Variants in OPCML observed in about 807,000 individuals in gnomAD.
OPCML encodes the protein opioid binding protein/cell adhesion molecule like.
Under a neutral mutation model 37.8 loss-of-function variants are expected in OPCML, and 13 were observed. The ratio of observed to expected loss-of-function variants is 0.34; its 90% confidence interval spans 0.22 to 0.55. OPCML has a LOEUF of 0.55. OPCML is among the 20% of genes least tolerant of loss of function. The pLI, the probability that OPCML is intolerant of heterozygous loss-of-function variation, is 0.91. For missense variants in OPCML, 341 were observed against 435.6 expected, an observed-to-expected ratio of 0.78 and a Z score of 1.93; for synonymous variants, 176 against 168.8, an observed-to-expected ratio of 1.04 and a Z score of -0.33.
At position 133,180,885 on chromosome 11, in the gene OPCML, C is replaced by T. The variant is rs1273348621; in HGVS notation, c.62-237875G>A. 5.4e-5 allele frequency among the ~76,000 whole-genome samples: 8 copies of T among 147,874 alleles called. No homozygotes were observed. The East Asian group carries it at 1.4e-3, about 25-fold the overall frequency. On this transcript the variant is annotated intron_variant, in intron 1 of 7. Transcript: ENST00000524381. Reference sequence around the variant, plus strand: ...GGATGAGGGAAAGTAGGATTTAAAACTGTTTTATGTTCACATAAAAATCTG... The same window carrying T: ...GGATGAGGGAAAGTAGGATTTAAAATTGTTTTATGTTCACATAAAAATCTG...
intron 1 of OPCML, among the ~76,000 whole-genome samples, chr11:133,323,249 C>T (rs1943374841): frequency 6.6e-6 from 1 of 152,182 alleles, no homozygotes; most frequent in Non-Finnish European, 1.5e-5. Context: ...CATCAATTAT[C>T]ACCTCCTCAT....
chr11:133,470,513 G>C (rs921175594), intron 1 of OPCML, among the ~76,000 whole-genome samples: 2 of 152,176 alleles, frequency 1.3e-5, no homozygotes, highest in Non-Finnish European at 2.9e-5. Context: ...CAAATGTCAC[G>C]AGGAAGGAGG....
intron 1 of OPCML, among the ~76,000 whole-genome samples, chr11:133,080,373 G>T (rs751942316): frequency 6.6e-6 from 1 of 152,080 alleles, no homozygotes; most frequent in Non-Finnish European, 1.5e-5. Context: ...TGGCCCACAC[G>T]GTGAGTAGGA....
chr11:132,751,596 C>A (rs1163422911), intron 2 of OPCML, among the ~76,000 whole-genome samples: 1 of 152,174 alleles, frequency 6.6e-6, no homozygotes, highest in Non-Finnish European at 1.5e-5. Flanking sequence ...CTCATGTAAT[C>A]TTCACTCCAA....
chr11:132,809,019 T>C (rs1939178453), intron 2 of OPCML, among the ~76,000 whole-genome samples: 1 of 152,106 alleles, frequency 6.6e-6, no homozygotes, highest in African/African-American at 2.4e-5. Flanking sequence ...AGTTTGCTTG[T>C]TTTTACCCCA....
At chr11:133,374,378 T>C (rs971714999) in intron 1 of OPCML, among the ~76,000 whole-genome samples, 9 of 152,190 alleles carry the variant, frequency 5.9e-5, no homozygotes, top group African/African-American at 1.9e-4. Flanking sequence ...TGAGGAAACG[T>C]TTGGGAATAA....
At chr11:133,140,946 CGACGAAGAAGAA>C (rs1949795424) in intron 1 of OPCML, among the ~76,000 whole-genome samples, 4 of 4,656 alleles carry the variant, frequency 8.6e-4, no homozygotes, top group African/African-American at 1.6e-3. Flanking sequence ...AAGAAGAAGA[CGACGAAGAAGAA>C]GAAGAAGAAG....
chr11:132,872,437 C>A (rs1942839703), intron 2 of OPCML, among the ~76,000 whole-genome samples: 1 of 152,134 alleles, frequency 6.6e-6, no homozygotes, highest in Non-Finnish European at 1.5e-5. Flanking sequence ...CCCTCCCCAC[C>A]TGGTGAGTGT....
chr11:133,049,138 A>G (rs1219803606), intron 1 of OPCML, among the ~76,000 whole-genome samples: 1 of 152,198 alleles, frequency 6.6e-6, no homozygotes, highest in Non-Finnish European at 1.5e-5. Context: ...TCCTTCAAAT[A>G]TGGAACTTCC....
At chr11:132,468,045 G>A (rs144209266) in intron 4 of OPCML, among the ~76,000 whole-genome samples, 9 of 152,254 alleles carry the variant, frequency 5.9e-5, no homozygotes, top group Non-Finnish European at 8.8e-5. Flanking sequence ...AGGTTGAAAG[G>A]AAGGCGTACT....
intron 2 of OPCML, among the ~76,000 whole-genome samples, chr11:132,676,680 T>C (rs985585840): frequency 6.7e-6 from 1 of 149,962 alleles, no homozygotes; most frequent in Non-Finnish European, 1.5e-5. Flanking sequence ...CACATGGAAG[T>C]AAGCTAATAT....
At chr11:132,657,372 G>A in intron 2 of OPCML, 53 bp from the exon 3 acceptor site, 1 of 1,591,146 alleles carries the variant, frequency 6.3e-7, no homozygotes, top group South Asian at 1.1e-5. Flanking sequence ...GAGAGAGAGT[G>A]GAGAGATTAT....
chr11:133,419,776 AT>A (rs2136890280), intron 1 of OPCML, among the ~76,000 whole-genome samples: 1 of 152,340 alleles, frequency 6.6e-6, no homozygotes, highest in African/African-American at 2.4e-5. Flanking sequence ...TAAACTTAAC[AT>A]TCTATCATGT....
intron 1 of OPCML, among the ~76,000 whole-genome samples, chr11:133,046,296 T>C (rs1331300313): frequency 3.9e-5 from 6 of 152,206 alleles, no homozygotes; most frequent in African/African-American, 7.2e-5. Context: ...GCAGTGTGTT[T>C]ACAGAGACAA....
chr11:133,305,504 T>G (rs1428411786), intron 1 of OPCML, among the ~76,000 whole-genome samples: 2 of 152,254 alleles, frequency 1.3e-5, no homozygotes, highest in African/African-American at 4.8e-5. Context: ...CACATGGATA[T>G]GTAGTTACGT....
At chr11:133,016,367 T>C (rs1947335871) in intron 1 of OPCML, among the ~76,000 whole-genome samples, 1 of 152,154 alleles carries the variant, frequency 6.6e-6, no homozygotes, top group Non-Finnish European at 1.5e-5. Context: ...GATTCCTTGA[T>C]GGCTATTGAC....
chr11:132,578,017 A>T (rs2096454595), intron 3 of OPCML, among the ~76,000 whole-genome samples: 1 of 152,126 alleles, frequency 6.6e-6, no homozygotes, highest in South Asian at 2.1e-4. Context: ...CATATACAAG[A>T]TACATAGAAA....
rs1945449701 is a variant in OPCML, at chr11:132,938,028, A to T, written c.146+4898T>A. Among the ~76,000 whole-genome samples, 3 of 151,954 alleles carry T rather than the reference A, an allele frequency of 2.0e-5. No individual in the cohort carries two copies. The East Asian group carries it at 5.8e-4, about 30-fold the overall frequency. The stretch of plus-strand genomic sequence containing the variant: ...TCCAAAAGTCCCTCAGGCCTCCAAG[A>T]CCGCTAACCAACTGCTGTGCCTGAA... On this transcript the variant is annotated intron_variant, in intron 2 of 7. Coordinates refer to ENST00000524381, the MANE Select transcript of OPCML (RefSeq NM_001012393.5).
intron 4 of OPCML, among the ~76,000 whole-genome samples, chr11:132,499,951 T>C (rs56963201): frequency 0.037 from 5,643 of 152,272 alleles, 336 homozygotes; most frequent in African/African-American, 0.12. Flanking sequence ...TATAGGCCTA[T>C]TTATCTTGTC....
Sources: gnomAD v4.1 joint callset for allele counts (sites outside exome capture counted in the v4.1 genomes callset) on GRCh38, gnomAD v4.1.1 for gene constraint, MANE v1.5 for transcripts, NCBI Gene and HGNC (gene_info 2026-07-23, HGNC 2026-07-21) for gene names.